Variants in DOCK5 observed in about 807,000 individuals in gnomAD.
DOCK5 encodes the protein dedicator of cytokinesis protein 5.
In DOCK5, 142 loss-of-function variants were observed where a neutral mutation model predicts 251.8. The ratio of observed to expected loss-of-function variants is 0.56; its 90% CI spans 0.49 to 0.65. The LOEUF (loss-of-function observed/expected upper bound fraction) is 0.65. Ranked by LOEUF, DOCK5 falls within the 30% of genes least tolerant of loss-of-function variation. DOCK5 has a pLI of 0.00. For synonymous variants in DOCK5, 842 were observed against 835.5 expected (o/e 1.01, Z -0.13); for missense variants, 2,111 against 2,312.3 (o/e 0.91, Z 1.79).
At chr8:25,230,909 A>T (rs1399491631) in intron 1 of DOCK5, among the ~76,000 whole-genome samples, 1 of 152,166 alleles carries the variant, frequency 6.6e-6, no homozygotes, top group Non-Finnish European at 1.5e-5. Context: ...GAAGAAGAAC[A>T]GTAGCAAAAG....
intron 1 of DOCK5, among the ~76,000 whole-genome samples, chr8:25,207,775 A>G (rs575445889): frequency 1.2e-4 from 19 of 152,354 alleles, no homozygotes; most frequent in African/African-American, 4.1e-4. Flanking sequence ...ATGCCTGCTG[A>G]CACAACATGA....
chr8:25,360,826 G>C (rs972555755), intron 28 of DOCK5, among the ~76,000 whole-genome samples: 2 of 152,062 alleles, frequency 1.3e-5, no homozygotes, highest in Non-Finnish European at 2.9e-5. Context: ...AAAATAGGGA[G>C]GTTTTAAGGT....
intron 1 of DOCK5, among the ~76,000 whole-genome samples, chr8:25,230,382 T>C (rs1170588965): frequency 2.6e-5 from 4 of 152,316 alleles, no homozygotes; most frequent in East Asian, 3.9e-4. Flanking sequence ...GTAATTCCGA[T>C]GTGTGCTAAA....
chr8:25,273,012 T>C (rs1028843479), intron 3 of DOCK5, among the ~76,000 whole-genome samples: 5 of 152,128 alleles, frequency 3.3e-5, no homozygotes, highest in African/African-American at 1.2e-4. Flanking sequence ...CAAGGTTAGT[T>C]CCCAACATCC....
In DOCK5 at chr8:25,415,439, A is replaced by G. The variant is rs990440396; in HGVS notation, c.*4141A>G. Reference sequence around the variant, plus strand: ...TGGTGGGTTGAGAGTTGGACCATCAATTCTAATCTACAAAAGGAAATTCAT... The same window carrying G: ...TGGTGGGTTGAGAGTTGGACCATCAGTTCTAATCTACAAAAGGAAATTCAT... On this transcript the variant is annotated 3_prime_UTR_variant, in exon 52 of 52. Transcript: ENST00000276440. The G allele has an allele frequency of 7.2e-5, 11 of 152,296 alleles. No homozygotes were observed. Among genetic ancestry groups the G allele is most frequent in the Admixed American group, 5.2e-4 (8 of 15,298 alleles). 9.4% of individuals were successfully genotyped at this position (152,296 alleles called of 1,614,324 possible).
intron 1 of DOCK5, among the ~76,000 whole-genome samples, chr8:25,225,104 T>C (rs960289323): frequency 6.6e-6 from 1 of 152,128 alleles, no homozygotes; most frequent in Non-Finnish European, 1.5e-5. Flanking sequence ...AAATAAATGG[T>C]CATCCAGGAT....
intron 26 of DOCK5, among the ~76,000 whole-genome samples, chr8:25,351,187 A>G (rs1187453093): frequency 6.6e-6 from 1 of 151,916 alleles, no homozygotes; most frequent in Non-Finnish European, 1.5e-5. Context: ...CCTCCCGATT[A>G]GCTGGGACTA....
intron 1 of DOCK5, among the ~76,000 whole-genome samples, chr8:25,242,989 G>A (rs1316556015): frequency 6.6e-6 from 1 of 152,204 alleles, no homozygotes; most frequent in Non-Finnish European, 1.5e-5. Context: ...ATGAACAAGG[G>A]CACTGACTAA....
chr8:25,275,375 T>G lies in DOCK5; in HGVS notation c.169-11T>G. 2 of 1,594,876 alleles carry G rather than the reference T, an allele frequency of 1.3e-6. No individual in the cohort carries two copies. Among genetic ancestry groups the G allele is most frequent in the Non-Finnish European group, 1.7e-6 (2 of 1,174,942 alleles). The stretch of plus-strand genomic sequence containing the variant: ...TTTATGGCCATATAACCAAAATTCT[T>G]TTCTCTGTAGGGCATTTTCCCTGAA... On this transcript the variant is annotated splice_polypyrimidine_tract_variant and intron_variant, in intron 3 of 51. Transcript: ENST00000276440.
intron 1 of DOCK5, among the ~76,000 whole-genome samples, chr8:25,222,078 G>A: frequency 6.6e-6 from 1 of 152,076 alleles, no homozygotes; most frequent in Non-Finnish European, 1.5e-5. Context: ...TTGCTGTTTA[G>A]GACACTCTGT....
intron 45 of DOCK5, among the ~76,000 whole-genome samples, chr8:25,397,439 A>G (rs1409021157): frequency 6.6e-6 from 1 of 152,124 alleles, no homozygotes; most frequent in Non-Finnish European, 1.5e-5. Context: ...GGCTGCCACT[A>G]TGATCGTCTT....
rs1236242894 is a variant in DOCK5 at position 25,366,981 on chromosome 8, T to C, written c.3224+11T>C. Reference sequence around the variant, plus strand: ...CAAAATTGTTAAAAAGTAAGTGTCCTTTTAAAGTTAAGATCGGGAAGGGGC... The same window carrying C: ...CAAAATTGTTAAAAAGTAAGTGTCCCTTTAAAGTTAAGATCGGGAAGGGGC... On this transcript the variant is annotated intron_variant, in intron 31 of 51. Coordinates refer to ENST00000276440, the MANE Select transcript of DOCK5 (RefSeq NM_024940.8). 1.9e-6 allele frequency: 3 copies of C among 1,609,090 alleles called. No homozygotes were observed. The highest frequency in any genetic ancestry group is 2.6e-6 in the Non-Finnish European group (3 of 1,175,954).
At position 25,332,614 on chromosome 8, in the gene DOCK5, T is replaced by C; in HGVS notation, c.2013T>C (p.Asp671=). ...TTTCTTATCTTCAGTTTTTGCAAGA[T>C]ACACTAGATGCACTCTTTAACATAA... is the stretch of plus-strand genomic sequence containing the variant. The part of the protein sequence containing the change: ...DGGEIVKFLQ[D]TLDALFNIMM... The change falls in exon 20 of 52, where the codon GAT becomes GAC. Residue 671 remains aspartate, a synonymous_variant. Transcript: ENST00000276440. The C allele has an allele frequency of 6.2e-7, 1 of 1,610,418 alleles. No individual in the cohort carries two copies. Among genetic ancestry groups the C allele is most frequent in the Non-Finnish European group, 8.5e-7 (1 of 1,178,624 alleles).
intron 1 of DOCK5, among the ~76,000 whole-genome samples, chr8:25,214,422 A>G (rs564797547): frequency 6.6e-6 from 1 of 152,198 alleles, no homozygotes; most frequent in African/African-American, 2.4e-5. Flanking sequence ...TGGGGAAGCC[A>G]TTTCTGAGCA....
At chr8:25,331,098 C>T (rs189274002) in intron 18 of DOCK5, among the ~76,000 whole-genome samples, 214 of 151,968 alleles carry the variant, frequency 1.4e-3, no homozygotes, top group South Asian at 0.01. Context: ...GACAGAGCGA[C>T]CTTGTCTCTC....
chr8:25,407,850 G>T (rs1801549088), intron 48 of DOCK5, 133 bp from the exon 49 acceptor site: 1 of 1,034,072 alleles, frequency 9.7e-7, no homozygotes, highest in African/African-American at 1.9e-5. Flanking sequence ...AATGATGGGA[G>T]AAAGACCCTG....
intron 5 of DOCK5, among the ~76,000 whole-genome samples, chr8:25,281,584 TAA>T (rs755311727): frequency 2.5e-4 from 30 of 121,266 alleles, no homozygotes; most frequent in Admixed American, 2.5e-4. Flanking sequence ...AGAATTTGGT[TAA>T]AAAAAAAAAA....
chr8:25,283,642 C>T (rs1278853097), intron 5 of DOCK5, among the ~76,000 whole-genome samples: 1 of 152,068 alleles, frequency 6.6e-6, no homozygotes, highest in Admixed American at 6.6e-5. Context: ...TACCCGACTG[C>T]CTGCCCAAGA....
At chr8:25,268,127 C>G (rs555389330) in intron 2 of DOCK5, among the ~76,000 whole-genome samples, 2 of 152,112 alleles carry the variant, frequency 1.3e-5, no homozygotes, top group East Asian at 3.9e-4. Flanking sequence ...TCCCAAAGTG[C>G]TGGGATTACA....
Sources: gnomAD v4.1 joint callset for allele counts (sites outside exome capture counted in the v4.1 genomes callset) on GRCh38, gnomAD v4.1.1 for gene constraint, MANE v1.5 for transcripts, NCBI Gene and HGNC (gene_info 2026-07-23, HGNC 2026-07-21) for gene names.